Variants in UBE4A observed in about 807,000 individuals in gnomAD.
UBE4A encodes the protein ubiquitin conjugation factor E4 A.
In UBE4A, 48 loss-of-function variants were observed where a neutral mutation model predicts 117.9. The observed-to-expected ratio is 0.41, with a 90% CI of 0.32 to 0.52. UBE4A has a LOEUF of 0.52. Ranked by LOEUF, UBE4A falls within the 20% of genes least tolerant of loss-of-function variation. UBE4A has a pLI of 0.33. For missense variants in UBE4A, 1,067 were observed against 1,296.3 expected (o/e 0.82, Z 2.72); for synonymous variants, 407 against 450.0 (o/e 0.90, Z 1.21).
chr11:118,372,784 G>A, intron 6 of UBE4A, 118 bp downstream of exon 6: 3 of 1,438,898 alleles, frequency 2.1e-6, no homozygotes, highest in Non-Finnish European at 2.9e-6. Flanking sequence ...TAAGGAGGAG[G>A]GCTCACATCT....
At chr11:118,393,871 TA>T (rs1463880977) in intron 19 of UBE4A, among the ~76,000 whole-genome samples, 1 of 151,560 alleles carries the variant, frequency 6.6e-6, no homozygotes, top group Non-Finnish European at 1.5e-5. Context: ...GCTGGGATTA[TA>T]GGCATGAGCC....
At chr11:118,370,299 C>G (rs1237886611) in intron 4 of UBE4A, among the ~76,000 whole-genome samples, 1 of 152,024 alleles carries the variant, frequency 6.6e-6, no homozygotes, top group Non-Finnish European at 1.5e-5. Flanking sequence ...TCTTTATATC[C>G]TTTCTATCTT....
At chr11:118,381,173 G>A (rs1948701981) in intron 11 of UBE4A, among the ~76,000 whole-genome samples, 1 of 152,126 alleles carries the variant, frequency 6.6e-6, no homozygotes, top group Non-Finnish European at 1.5e-5. Context: ...AACATTTTGT[G>A]TCATTACTGT....
intron 5 of UBE4A, among the ~76,000 whole-genome samples, chr11:118,372,034 C>T (rs751577407): frequency 2.6e-4 from 40 of 152,108 alleles, no homozygotes; most frequent in Non-Finnish European, 4.1e-4. Flanking sequence ...CCGATGCAGG[C>T]GGATCACATG....
At chr11:118,366,795 G>A (rs1009995361) in intron 2 of UBE4A, among the ~76,000 whole-genome samples, 5 of 152,236 alleles carry the variant, frequency 3.3e-5, no homozygotes, top group Admixed American at 1.3e-4. Flanking sequence ...GGGGCTGGGC[G>A]CAGTGGCTCG....
chr11:118,378,049 C>T (rs1356846037), intron 10 of UBE4A, among the ~76,000 whole-genome samples: 4 of 151,990 alleles, frequency 2.6e-5, no homozygotes, highest in African/African-American at 2.4e-5. Context: ...AGATCAAGAC[C>T]GTCCTAGCTA....
At chr11:118,370,954 C>T (rs1948603776) in intron 4 of UBE4A, among the ~76,000 whole-genome samples, 1 of 152,202 alleles carries the variant, frequency 6.6e-6, no homozygotes, top group Non-Finnish European at 1.5e-5. Flanking sequence ...GATCCGCCTC[C>T]ATACCCAGAC....
chr11:118,377,973 C>A (rs542068970), intron 10 of UBE4A, among the ~76,000 whole-genome samples: 1 of 149,196 alleles, frequency 6.7e-6, no homozygotes, highest in Non-Finnish European at 1.5e-5. Flanking sequence ...TTCAGCCGGG[C>A]GCAGTGGCTC....
chr11:118,372,921 T>C (rs144902022), intron 6 of UBE4A, among the ~76,000 whole-genome samples, 165 bp from the exon 7 acceptor site: 11 of 150,032 alleles, frequency 7.3e-5, no homozygotes, highest in East Asian at 5.9e-4. Context: ...TGTAGTGTGC[T>C]ATAATCACAC....
chr11:118,368,885 G>A, intron 3 of UBE4A, 81 bp downstream of exon 3: 2 of 1,450,284 alleles, frequency 1.4e-6, no homozygotes, highest in Non-Finnish European at 1.9e-6. Context: ...ACTGGTTACA[G>A]CTAATGGTTA....
At chr11:118,384,344 A>G (rs1285061759) in intron 13 of UBE4A, among the ~76,000 whole-genome samples, 1 of 152,190 alleles carries the variant, frequency 6.6e-6, no homozygotes, top group Non-Finnish European at 1.5e-5. Flanking sequence ...AGAAGTACTC[A>G]TGTTTGGATA....
intron 16 of UBE4A, 48 bp downstream of exon 16, chr11:118,386,660 T>A: frequency 6.8e-7 from 1 of 1,476,234 alleles, no homozygotes; most frequent in South Asian, 1.5e-5. Flanking sequence ...ATGGCCAAGA[T>A]CAGCTTCACT....
At chr11:118,364,880 G>A (rs1948550522) in intron 1 of UBE4A, among the ~76,000 whole-genome samples, 160 bp from the exon 2 acceptor site, 1 of 151,942 alleles carries the variant, frequency 6.6e-6, no homozygotes, top group African/African-American at 2.4e-5. Context: ...TAACCATTTT[G>A]CCAAAAATGT....
At chr11:118,383,977 G>A (rs1240049810) in intron 13 of UBE4A, among the ~76,000 whole-genome samples, 2 of 152,116 alleles carry the variant, frequency 1.3e-5, no homozygotes, top group Non-Finnish European at 2.9e-5. Context: ...TACAACCAAA[G>A]TGTTGTAATG....
At chr11:118,367,747 C>G (rs1948576292) in intron 2 of UBE4A, among the ~76,000 whole-genome samples, 1 of 152,042 alleles carries the variant, frequency 6.6e-6, no homozygotes, top group South Asian at 2.1e-4. Context: ...ATCCGCCTGC[C>G]TCAGCCTCCC....
Position 118,369,920 on chromosome 11 carries a change from G to A in UBE4A, c.408+385G>A, listed in dbSNP as rs534963964. 2.2e-4 allele frequency among the ~76,000 whole-genome samples: 33 copies of A among 151,652 alleles called. No homozygotes were observed. The South Asian group carries it at 3.5e-3, about 16-fold the overall frequency. On this transcript the variant is annotated intron_variant, in intron 4 of 19. Coordinates refer to ENST00000252108, the MANE Select transcript of UBE4A (RefSeq NM_001204077.2). ...CATCTGGCTAACATGGTGAAACGCC[G>A]TCTCTACTAAAAATACAAAAAATTA...
chr11:118,369,659 T>G lies in UBE4A; in HGVS notation c.408+124T>G, dbSNP rs1207883193. On this transcript the variant is annotated intron_variant, in intron 4 of 19. Transcript: ENST00000252108. The stretch of plus-strand genomic sequence containing the variant: ...CCATCCCTCTCTCTTTTTTTTTTTT[T>G]TTTTTTACCAGTAGAAGGCCAAGTA... The G allele has an allele frequency of 8.9e-6, 6 of 675,402 alleles. No homozygotes were observed. The Admixed American group carries it at 1.8e-4, about 20-fold the overall frequency. 41.8% of individuals were successfully genotyped at this position (675,402 alleles called of 1,614,324 possible).
intron 19 of UBE4A, 29 bp from the exon 20 acceptor site, chr11:118,396,285 C>A (rs1555129694): frequency 6.9e-6 from 11 of 1,598,834 alleles, no homozygotes; most frequent in Non-Finnish European, 9.4e-6. Flanking sequence ...ATGGAAATAA[C>A]CCTATTTCCC....
Position 118,379,543 on chromosome 11 carries a change from C to A in UBE4A, c.1669C>A (p.Leu557Ile), listed in dbSNP as rs150156682. The change falls in exon 11 of 20, where the codon CTT becomes ATT. Residue 557 changes from leucine to isoleucine, a missense_variant. Transcript: ENST00000252108. Reference sequence around the variant, plus strand: ...AAGTTCTAGCCCTGCTGCTGACAATCTTCGTGAGCAGTTTGAACGACTGAT... The same window carrying A: ...AAGTTCTAGCCCTGCTGCTGACAATATTCGTGAGCAGTTTGAACGACTGAT... ...QQSSSPAADN[L>I]REQFERLMTI... 1 of 1,614,240 alleles carries A rather than the reference C, an allele frequency of 6.2e-7. No individual in the cohort carries two copies. The highest frequency in any genetic ancestry group is 8.5e-7 in the Non-Finnish European group (1 of 1,180,024).
Sources: allele counts gnomAD v4.1 joint callset (sites outside exome capture counted in the v4.1 genomes callset), GRCh38; gene constraint gnomAD v4.1.1; transcripts MANE v1.5; gene names NCBI Gene and HGNC (gene_info 2026-07-23, HGNC 2026-07-21).